Variants in MSRA observed in about 807,000 individuals in gnomAD.
The protein encoded by MSRA is methionine sulfoxide reductase A, also known as mitochondrial peptide methionine sulfoxide reductase.
MSRA carries 54 observed loss-of-function variants against 31.3 expected under a neutral mutation model. The observed-to-expected ratio is 1.73, with a 90% CI of 1.39 to 2.17. The LOEUF is 2.17. Among genes scored for constraint, MSRA ranks in the 30% most tolerant of loss-of-function variants. The pLI is 0.00. For synonymous variants in MSRA, 169 were observed against 116.5 expected (o/e 1.45, Z -2.90); for missense variants, 507 against 300.9 (o/e 1.69, Z -5.07).
At chr8:10,425,726 T>G (rs949251340) in intron 5 of MSRA, among the ~76,000 whole-genome samples, 3 of 152,112 alleles carry the variant, frequency 2.0e-5, no homozygotes, top group African/African-American at 7.2e-5. Flanking sequence ...AGTGGGTAGG[T>G]CCTCTGAGGA....
chr8:10,306,766 C>G lies in MSRA; in HGVS notation c.436+5128C>G, dbSNP rs185715254. Among the ~76,000 whole-genome samples the G allele has an allele frequency of 3.3e-5, 5 of 152,230 alleles. No individual in the cohort carries two copies. In the East Asian group the frequency reaches 9.7e-4, roughly 29 times the overall value. ...TCCTGCGTGGGACTCGGGGCACAGA[C>G]TGAGTGCCTCGAGCCAAGCCACAGG... is the stretch of plus-strand genomic sequence containing the variant. On this transcript the variant is annotated intron_variant, in intron 4 of 5. Coordinates refer to ENST00000317173, the MANE Select transcript of MSRA (RefSeq NM_012331.5).
At chr8:10,168,460 A>C (rs960061045) in intron 1 of MSRA, among the ~76,000 whole-genome samples, 1 of 152,210 alleles carries the variant, frequency 6.6e-6, no homozygotes, top group Non-Finnish European at 1.5e-5. Flanking sequence ...GCAGCCTGGC[A>C]CACAAATAAT....
chr8:10,116,404 C>T (rs1479387958), intron 1 of MSRA, among the ~76,000 whole-genome samples: 1 of 152,188 alleles, frequency 6.6e-6, no homozygotes, highest in Non-Finnish European at 1.5e-5. Flanking sequence ...TCATTCTTTT[C>T]ACATAGTGAG....
At chr8:10,238,564 A>T (rs1193860859) in intron 2 of MSRA, among the ~76,000 whole-genome samples, 1 of 152,250 alleles carries the variant, frequency 6.6e-6, no homozygotes, top group Non-Finnish European at 1.5e-5. Flanking sequence ...GGATTGGTGC[A>T]GGAATAGACA....
intron 4 of MSRA, among the ~76,000 whole-genome samples, chr8:10,316,570 C>CTCTCTG (rs1801737304): frequency 6.8e-6 from 1 of 147,336 alleles, no homozygotes; most frequent in Non-Finnish European, 1.5e-5. Flanking sequence ...CTCTCTCTCT[C>CTCTCTG]TCTCCTTCCT....
chr8:10,296,927 G>C (rs10105815), intron 3 of MSRA, among the ~76,000 whole-genome samples: 36,745 of 152,122 alleles, frequency 0.24, 5,854 homozygotes, highest in East Asian at 0.65. Context: ...CTGTTCTTAT[G>C]TACTGCGTGG....
intron 3 of MSRA, among the ~76,000 whole-genome samples, chr8:10,284,810 C>G (rs573323089): frequency 6.6e-6 from 1 of 152,104 alleles, no homozygotes; most frequent in Non-Finnish European, 1.5e-5. Context: ...GAAAATAGCT[C>G]TTATTGGCTT....
At chr8:10,067,373 A>G (rs532142252) in intron 1 of MSRA, among the ~76,000 whole-genome samples, 43 of 152,330 alleles carry the variant, frequency 2.8e-4, no homozygotes, top group African/African-American at 9.4e-4. Context: ...TTTATTATCA[A>G]TAATATTCCA....
intron 2 of MSRA, among the ~76,000 whole-genome samples, chr8:10,213,358 A>G (rs370416788): frequency 6.6e-6 from 1 of 150,834 alleles, no homozygotes; most frequent in Non-Finnish European, 1.5e-5. Flanking sequence ...ACTATGTTGC[A>G]CTATGCACTA....
At chr8:10,289,808 G>A (rs1800135772) in intron 3 of MSRA, among the ~76,000 whole-genome samples, 1 of 152,154 alleles carries the variant, frequency 6.6e-6, no homozygotes, top group African/African-American at 2.4e-5. Context: ...TTTGCTTGGA[G>A]AGCCGTCCAT....
intron 2 of MSRA, among the ~76,000 whole-genome samples, chr8:10,225,498 G>A (rs1379094838): frequency 6.6e-6 from 1 of 152,154 alleles, no homozygotes; most frequent in Non-Finnish European, 1.5e-5. Flanking sequence ...TTACATTGTC[G>A]ATAGAAGTGG....
In MSRA at chr8:10,234,348, G is replaced by A. The variant is rs577534289; in HGVS notation, c.212-10756G>A. Among the ~76,000 whole-genome samples the A allele has an allele frequency of 1.6e-4, 24 of 152,208 alleles. No individual in the cohort carries two copies. In the South Asian group the frequency reaches 3.3e-3, roughly 21 times the overall value. ...TGAGATAGAGATTGTTCAGTGTGGC[G>A]GGTTTTGAGTTTGGGAGAAGGTTAG... is the stretch of plus-strand genomic sequence containing the variant. On this transcript the variant is annotated intron_variant, in intron 2 of 5. Coordinates refer to ENST00000317173, the MANE Select transcript of MSRA (RefSeq NM_012331.5).
intron 5 of MSRA, among the ~76,000 whole-genome samples, chr8:10,419,632 A>G (rs1452870849): frequency 6.6e-6 from 1 of 152,200 alleles, no homozygotes; most frequent in African/African-American, 2.4e-5. Flanking sequence ...CCTGGTGCTT[A>G]AAACGCAAAT....
chr8:10,265,243 G>A (rs971812722), intron 3 of MSRA, among the ~76,000 whole-genome samples: 2 of 152,152 alleles, frequency 1.3e-5, no homozygotes, highest in African/African-American at 4.8e-5. Flanking sequence ...GATGGGGAGA[G>A]AAGAGGGAGG....
chr8:10,410,742 G>A (rs1289848145), intron 5 of MSRA, among the ~76,000 whole-genome samples: 6 of 152,176 alleles, frequency 3.9e-5, no homozygotes, highest in Admixed American at 6.5e-5. Flanking sequence ...ACTTAGAGAT[G>A]CACAGTGCTG....
intron 5 of MSRA, among the ~76,000 whole-genome samples, chr8:10,404,554 C>T (rs1306198454): frequency 6.6e-6 from 1 of 152,244 alleles, no homozygotes; most frequent in African/African-American, 2.4e-5. Flanking sequence ...CCTCCCTCAC[C>T]TACGATCTGC....
intron 3 of MSRA, among the ~76,000 whole-genome samples, chr8:10,280,113 T>C (rs780153309): frequency 6.6e-6 from 1 of 152,218 alleles, no homozygotes; most frequent in Non-Finnish European, 1.5e-5. Flanking sequence ...TTTTGCAGTG[T>C]TTTTCTTATC....
intron 5 of MSRA, among the ~76,000 whole-genome samples, chr8:10,390,803 G>A (rs905671602): frequency 6.6e-5 from 10 of 152,044 alleles, no homozygotes; most frequent in Non-Finnish European, 1.5e-4. Flanking sequence ...AGGAAACCCT[G>A]TCTCTACTAA....
At chr8:10,135,189 A>G (rs531924531) in intron 1 of MSRA, among the ~76,000 whole-genome samples, 18 of 152,354 alleles carry the variant, frequency 1.2e-4, no homozygotes, top group Middle Eastern at 3.4e-3. Context: ...AAAAAGTCCT[A>G]TATAAGCAAT....
Sources: allele counts gnomAD v4.1 joint callset (sites outside exome capture counted in the v4.1 genomes callset), GRCh38; gene constraint gnomAD v4.1.1; transcripts MANE v1.5; gene names NCBI Gene and HGNC (gene_info 2026-07-23, HGNC 2026-07-21).